Variants in GGH observed in about 807,000 individuals in gnomAD.
GGH encodes the protein gamma-glutamyl hydrolase.
In GGH, 18 loss-of-function variants were observed where a neutral mutation model predicts 39.2. That is an observed-to-expected ratio of 0.46 (90% CI 0.32 to 0.68). GGH has a LOEUF of 0.68. Ranked by LOEUF, GGH falls within the 30% of genes least tolerant of loss-of-function variation. The pLI is 0.04. For synonymous variants in GGH, 147 were observed against 138.8 expected (o/e 1.06, Z -0.42); for missense variants, 367 against 384.1 (o/e 0.96, Z 0.37).
rs1359375642 is a variant in GGH, at chr8:63,015,241, T to G, written c.*91A>C. 1 of 645,998 alleles carries G rather than the reference T, an allele frequency of 1.5e-6. No individual in the cohort carries two copies. The highest frequency in any genetic ancestry group is 3.1e-5 in the Admixed American group (1 of 32,762). The allele number at this position is 645,998 out of a possible 1,614,324, so 40.0% of individuals were successfully genotyped here. ...CAGGCACATTATAGAAAAGAATCTG[T>G]GACTTCCTAATCTTGCCATGAGTAG... On this transcript the variant is annotated 3_prime_UTR_variant, in exon 9 of 9. Transcript: ENST00000260118.
chr8:63,021,134 C>T (rs191607176), intron 7 of GGH, among the ~76,000 whole-genome samples: 3 of 152,282 alleles, frequency 2.0e-5, no homozygotes, highest in Admixed American at 2.0e-4. Flanking sequence ...TTTTAATCAT[C>T]ATATAAATGA....
At chr8:63,032,489 C>A (rs944313304) in intron 2 of GGH, among the ~76,000 whole-genome samples, 1 of 152,248 alleles carries the variant, frequency 6.6e-6, no homozygotes, top group South Asian at 2.1e-4. Context: ...GAGCACCAAG[C>A]GCCTGAGACA....
intron 7 of GGH, chr8:63,023,601 A>C (rs1381484344): frequency 5.4e-6 from 1 of 184,702 alleles, no homozygotes; most frequent in Admixed American, 6.1e-5. Flanking sequence ...TGTTGGCTGG[A>C]GGAAAGTCTG....
intron 2 of GGH, among the ~76,000 whole-genome samples, chr8:63,033,107 C>T (rs1308257830): frequency 6.6e-6 from 1 of 152,160 alleles, no homozygotes; most frequent in Non-Finnish European, 1.5e-5. Context: ...AGAGTAATTT[C>T]AGGTTCACAG....
At position 63,038,698 on chromosome 8, in the gene GGH, G is replaced by C; in HGVS notation, c.71C>G (p.Ser24Cys). 6.3e-7 allele frequency: 1 copy of C among 1,583,388 alleles called. No individual in the cohort carries two copies. Among genetic ancestry groups the C allele is most frequent in the Non-Finnish European group, 8.6e-7 (1 of 1,164,574 alleles). The change falls in exon 1 of 9, where the codon TCT (serine) becomes TGT (cysteine). Residue 24 changes from serine (S) to cysteine (C), a missense_variant. Physicochemically the swap from Ser to Cys is moderately radical, Grantham distance 112. Transcript: ENST00000260118. ...CTTGGCGGTGTCGCCGTGGGGTCTA[G>C]ACAGCTCGAGGCTCGCCGCCCCGCA... is the stretch of plus-strand genomic sequence containing the variant. ...LLCGAASLEL[S>C]RPHGDTAKKP...
At chr8:63,033,134 T>G (rs1223951194) in intron 2 of GGH, among the ~76,000 whole-genome samples, 1 of 152,198 alleles carries the variant, frequency 6.6e-6, no homozygotes, top group Non-Finnish European at 1.5e-5. Context: ...TAAGAGAAGG[T>G]TAAGTATTTC....
chr8:63,023,347 G>T (rs1804627628), intron 7 of GGH, among the ~76,000 whole-genome samples: 3 of 152,108 alleles, frequency 2.0e-5, no homozygotes, highest in Admixed American at 2.0e-4. Context: ...CATTCTGTAG[G>T]GGGGATTTTA....
intron 1 of GGH, 43 bp from the exon 2 acceptor site, chr8:63,035,813 T>C (rs1281897016): frequency 2.6e-6 from 4 of 1,518,922 alleles, no homozygotes; most frequent in Non-Finnish European, 3.6e-6. Context: ...ATTCCTTTTC[T>C]TCTTGCTCAG....
intron 5 of GGH, among the ~76,000 whole-genome samples, chr8:63,025,637 A>G (rs775471065): frequency 6.6e-6 from 1 of 152,148 alleles, no homozygotes; most frequent in Non-Finnish European, 1.5e-5. Context: ...GGGCTGAGGC[A>G]GGAGAATCCC....
chr8:63,035,588 A>G, intron 2 of GGH, 68 bp downstream of exon 2: 1 of 1,544,832 alleles, frequency 6.5e-7, no homozygotes, highest in African/African-American at 1.4e-5. Context: ...TACAGGCATG[A>G]GGCACCGCAC....
chr8:63,015,628 C>A (rs1585663826), intron 8 of GGH, among the ~76,000 whole-genome samples, 175 bp from the exon 9 acceptor site: 1 of 142,658 alleles, frequency 7.0e-6, no homozygotes. Flanking sequence ...ACTTCTCTAA[C>A]AAACTTACTT....
chr8:63,035,111 T>C (rs1381740087), intron 2 of GGH, among the ~76,000 whole-genome samples: 1 of 151,968 alleles, frequency 6.6e-6, no homozygotes, highest in Non-Finnish European at 1.5e-5. Context: ...TAAAGGAAAC[T>C]ATCATTTCAT....
chr8:63,018,442 G>A (rs1345352411), intron 7 of GGH, among the ~76,000 whole-genome samples: 1 of 152,160 alleles, frequency 6.6e-6, no homozygotes, highest in Non-Finnish European at 1.5e-5. Context: ...AAAGTACTTG[G>A]AGAAATGAAG....
chr8:63,031,678 G>T (rs892699026), intron 2 of GGH, among the ~76,000 whole-genome samples: 3 of 152,084 alleles, frequency 2.0e-5, no homozygotes, highest in African/African-American at 7.2e-5. Flanking sequence ...CTATAGTTTT[G>T]GTCCCCATTT....
intron 3 of GGH, among the ~76,000 whole-genome samples, chr8:63,027,637 C>T (rs1804718545): frequency 6.6e-6 from 1 of 152,120 alleles, no homozygotes; most frequent in East Asian, 1.9e-4. Context: ...ATCTGTGATG[C>T]CAAATCAATT....
chr8:63,033,221 A>G (rs1382931771), intron 2 of GGH, among the ~76,000 whole-genome samples: 1 of 152,258 alleles, frequency 6.6e-6, no homozygotes, highest in Non-Finnish European at 1.5e-5. Context: ...CAGTTGATAA[A>G]AATACACTGA....
chr8:63,015,784 A>AT (rs1327817256), intron 8 of GGH, among the ~76,000 whole-genome samples: 1 of 152,114 alleles, frequency 6.6e-6, no homozygotes. Flanking sequence ...CCCCTGCAGC[A>AT]TATCCCATGC....
chr8:63,016,808 A>C (rs1203752812), intron 8 of GGH, among the ~76,000 whole-genome samples: 2 of 152,204 alleles, frequency 1.3e-5, no homozygotes, highest in Non-Finnish European at 2.9e-5. Context: ...ACACAGCATG[A>C]ATATGTCTGT....
intron 2 of GGH, 105 bp downstream of exon 2, chr8:63,035,551 C>A: frequency 1.4e-6 from 2 of 1,455,150 alleles, no homozygotes; most frequent in East Asian, 2.4e-5. Context: ...GTAGTCCACC[C>A]GCCTTGGCCT....
Sources: gnomAD v4.1 joint callset for allele counts (sites outside exome capture counted in the v4.1 genomes callset) on GRCh38, gnomAD v4.1.1 for gene constraint, MANE v1.5 for transcripts, NCBI Gene and HGNC (gene_info 2026-07-23, HGNC 2026-07-21) for gene names.